The following PPP1R9A variants were observed in gnomAD, a reference collection of about 807,000 sequenced individuals.
PPP1R9A encodes the protein protein phosphatase 1 regulatory subunit 9A.
A neutral mutation model predicts 141.9 loss-of-function variants in PPP1R9A; 59 were observed. That is an observed-to-expected ratio of 0.42 (90% confidence interval 0.34 to 0.52). PPP1R9A has a LOEUF of 0.52. Among genes scored for constraint, PPP1R9A ranks in the 20% least tolerant of loss-of-function variants. The pLI is 0.10. For synonymous variants in PPP1R9A, 500 were observed against 569.7 expected (o/e 0.88, Z 1.74); for missense variants, 1,444 against 1,611.9 (o/e 0.90, Z 1.78).
intron 2 of PPP1R9A, among the ~76,000 whole-genome samples, chr7:95,017,554 C>G (rs1374766762): frequency 6.6e-6 from 1 of 151,974 alleles, no homozygotes; most frequent in Admixed American, 6.6e-5. Context: ...GACCCCTACA[C>G]TGAAAAATAC....
At chr7:95,198,630 A>G (rs1207727329) in intron 6 of PPP1R9A, 146 bp downstream of exon 6, 1 of 926,802 alleles carries the variant, frequency 1.1e-6, no homozygotes, top group Non-Finnish European at 1.5e-6. Context: ...GAAAAGAAAT[A>G]CTACTCGCAT....
At chr7:94,936,665 T>C (rs563427787) in intron 2 of PPP1R9A, among the ~76,000 whole-genome samples, 2 of 150,784 alleles carry the variant, frequency 1.3e-5, no homozygotes, top group South Asian at 4.2e-4. Context: ...TGTGTGTGTG[T>C]GTGTGTGTGT....
At chr7:95,136,237 C>A (rs920580434) in intron 4 of PPP1R9A, among the ~76,000 whole-genome samples, 1 of 152,082 alleles carries the variant, frequency 6.6e-6, no homozygotes, top group African/African-American at 2.4e-5. Context: ...AACACAAAGT[C>A]TCTGCTCCTA....
chr7:95,101,725 T>C (rs1326188268), intron 2 of PPP1R9A, among the ~76,000 whole-genome samples: 1 of 152,218 alleles, frequency 6.6e-6, no homozygotes, highest in African/African-American at 2.4e-5. Context: ...TTACCTTTCT[T>C]TGGGCTAGCT....
chr7:95,070,081 A>G (rs901488610), intron 2 of PPP1R9A, among the ~76,000 whole-genome samples: 2 of 152,134 alleles, frequency 1.3e-5, no homozygotes, highest in Admixed American at 1.3e-4. Context: ...ATTGCAAGAA[A>G]GACATTTCCT....
intron 2 of PPP1R9A, among the ~76,000 whole-genome samples, chr7:94,992,598 A>G (rs930802292): frequency 5.9e-5 from 9 of 152,196 alleles, no homozygotes; most frequent in Non-Finnish European, 1.2e-4. Flanking sequence ...TAGTATGTGA[A>G]CATTCAATTT....
At chr7:95,044,237 C>A (rs1809663119) in intron 2 of PPP1R9A, among the ~76,000 whole-genome samples, 1 of 152,190 alleles carries the variant, frequency 6.6e-6, no homozygotes, top group Non-Finnish European at 1.5e-5. Flanking sequence ...ATCATTCTCA[C>A]CTATTTACTA....
At chr7:95,162,914 T>C (rs1585024006) in intron 5 of PPP1R9A, among the ~76,000 whole-genome samples, 1 of 152,302 alleles carries the variant, frequency 6.6e-6, no homozygotes, top group East Asian at 1.9e-4. Context: ...CCTAAACTAC[T>C]TCTGTGGGCG....
intron 9 of PPP1R9A, 24 bp downstream of exon 9, chr7:95,247,550 G>T: frequency 6.3e-7 from 1 of 1,575,084 alleles, no homozygotes; most frequent in South Asian, 1.1e-5. Flanking sequence ...CATGGTGTTT[G>T]AATTTTACTT....
At chr7:95,043,190 AT>A (rs1809507403) in intron 2 of PPP1R9A, among the ~76,000 whole-genome samples, 1 of 152,170 alleles carries the variant, frequency 6.6e-6, no homozygotes, top group South Asian at 2.1e-4. Context: ...AGAGACTTAA[AT>A]TCCCCTTGAG....
chr7:95,217,592 T>C (rs2152931943), intron 7 of PPP1R9A, among the ~76,000 whole-genome samples: 1 of 152,328 alleles, frequency 6.6e-6, no homozygotes, highest in African/African-American at 2.4e-5. Context: ...TGTGAATCCG[T>C]CTGGTCCTGG....
chr7:95,257,004 C>T lies in PPP1R9A; in HGVS notation c.2665+4874C>T, dbSNP rs572062842. On this transcript the variant is annotated intron_variant, in intron 12 of 19. Transcript: ENST00000433360. ...TTTATGCAAAATTAATCTATATATC[C>T]CATGCAGTTTTAATTAGAATTCAAA... Among the ~76,000 whole-genome samples the T allele has an allele frequency of 4.9e-4, 74 of 152,112 alleles. 1 individual carries two copies. The Middle Eastern group carries it at 0.01, about 21-fold the overall frequency.
chr7:94,935,561 A>C (rs1212227374), intron 2 of PPP1R9A, among the ~76,000 whole-genome samples: 1 of 152,198 alleles, frequency 6.6e-6, no homozygotes, highest in Non-Finnish European at 1.5e-5. Context: ...ATTATTTAAC[A>C]TTCTGTGGCT....
intron 2 of PPP1R9A, among the ~76,000 whole-genome samples, chr7:94,919,839 C>T (rs1004301493): frequency 1.3e-5 from 2 of 152,050 alleles, no homozygotes; most frequent in African/African-American, 4.8e-5. Flanking sequence ...ATGGTAACAT[C>T]GAGAGGTACT....
At chr7:95,258,443 A>G (rs1246867437) in intron 12 of PPP1R9A, among the ~76,000 whole-genome samples, 1 of 152,160 alleles carries the variant, frequency 6.6e-6, no homozygotes, top group Non-Finnish European at 1.5e-5. Context: ...GTAGATTGCA[A>G]AAATTTTCTT....
At chr7:95,007,182 C>T (rs1243125950) in intron 2 of PPP1R9A, among the ~76,000 whole-genome samples, 3 of 152,074 alleles carry the variant, frequency 2.0e-5, no homozygotes, top group Non-Finnish European at 4.4e-5. Flanking sequence ...TTTGAATGGC[C>T]ATCCTAAATT....
At chr7:95,208,956 TAAAAAAAAA>T (rs10670515) in intron 7 of PPP1R9A, among the ~76,000 whole-genome samples, 2 of 76,922 alleles carry the variant, frequency 2.6e-5, no homozygotes, top group Non-Finnish European at 4.7e-5. Context: ...ATAGCAAAAC[TAAAAAAAAA>T]AAAAAAAAAA....
At chr7:95,212,657 G>A (rs1792377788) in intron 7 of PPP1R9A, among the ~76,000 whole-genome samples, 1 of 152,144 alleles carries the variant, frequency 6.6e-6, no homozygotes, top group African/African-American at 2.4e-5. Flanking sequence ...TCAACCTTTT[G>A]GCCAGGGTTT....
intron 6 of PPP1R9A, 62 bp from the exon 7 acceptor site, chr7:95,203,603 A>C (rs1028371585): frequency 6.4e-6 from 8 of 1,258,806 alleles, no homozygotes; most frequent in Non-Finnish European, 8.9e-6. Flanking sequence ...TCAATCCTTT[A>C]TCAGGCTGCT....
Sources: allele counts gnomAD v4.1 joint callset (sites outside exome capture counted in the v4.1 genomes callset), GRCh38; gene constraint gnomAD v4.1.1; transcripts MANE v1.5; gene names NCBI Gene and HGNC (gene_info 2026-07-23, HGNC 2026-07-21).